Variants in PDLIM5 observed in about 807,000 individuals in gnomAD.
PDLIM5 encodes the protein PDZ and LIM domain protein 5.
A neutral mutation model predicts 64.2 loss-of-function variants in PDLIM5; 34 were observed. The observed-to-expected ratio is 0.53, with a 90% confidence interval of 0.40 to 0.71. The LOEUF (loss-of-function observed/expected upper bound fraction) is 0.71. Ranked by LOEUF, PDLIM5 falls within the 30% of genes least tolerant of loss-of-function variation. The pLI is 0.00. For synonymous variants in PDLIM5, 253 were observed against 269.1 expected (o/e 0.94, Z 0.59); for missense variants, 683 against 733.6 (o/e 0.93, Z 0.80).
At chr4:94,609,790 T>C (rs1738217692) in intron 7 of PDLIM5, among the ~76,000 whole-genome samples, 2 of 152,232 alleles carry the variant, frequency 1.3e-5, no homozygotes, top group African/African-American at 4.8e-5. Context: ...CAATTTTCCT[T>C]CTTTCTATGC....
intron 5 of PDLIM5, among the ~76,000 whole-genome samples, chr4:94,576,440 A>C (rs1415140603): frequency 3.3e-5 from 5 of 152,170 alleles, no homozygotes; most frequent in Non-Finnish European, 5.9e-5. Context: ...TCGTAAGGAG[A>C]GGGGAAATCA....
At chr4:94,552,711 AT>A (rs1732917011) in intron 3 of PDLIM5, among the ~76,000 whole-genome samples, 1 of 152,188 alleles carries the variant, frequency 6.6e-6, no homozygotes, top group Admixed American at 6.5e-5. Flanking sequence ...TAAGAAAAAA[AT>A]ATAAGTAGAA....
intron 2 of PDLIM5, among the ~76,000 whole-genome samples, chr4:94,490,776 G>A (rs1365786191): frequency 5.9e-5 from 9 of 152,116 alleles, no homozygotes; most frequent in Admixed American, 5.9e-4. Context: ...GATTCAAGAA[G>A]TTAAATAATA....
chr4:94,587,361 G>C (rs1050385841), intron 7 of PDLIM5: 2 of 1,158,416 alleles, frequency 1.7e-6, no homozygotes, highest in African/African-American at 3.2e-5. Context: ...GATTAGGGTA[G>C]TAATCTTGGA....
At chr4:94,567,996 G>A (rs1023905575) in intron 3 of PDLIM5, among the ~76,000 whole-genome samples, 3 of 152,068 alleles carry the variant, frequency 2.0e-5, no homozygotes, top group African/African-American at 2.4e-5. Context: ...ACCACAGAAG[G>A]AATAATACGT....
chr4:94,482,330 CA>C (rs1476028019), intron 2 of PDLIM5, among the ~76,000 whole-genome samples: 8 of 152,086 alleles, frequency 5.3e-5, no homozygotes, highest in African/African-American at 1.9e-4. Context: ...CCACTGCACC[CA>C]GCCCAATTTT....
At chr4:94,513,908 GT>G (rs1411947819) in intron 2 of PDLIM5, among the ~76,000 whole-genome samples, 1 of 149,752 alleles carries the variant, frequency 6.7e-6, no homozygotes, top group Non-Finnish European at 1.5e-5. Context: ...TCTATTCCCA[GT>G]TTTTTGAGGG....
chr4:94,564,479 G>C (rs1734119875), intron 3 of PDLIM5, among the ~76,000 whole-genome samples: 1 of 151,948 alleles, frequency 6.6e-6, no homozygotes, highest in South Asian at 2.1e-4. Context: ...TCAGGTTTCT[G>C]TTCAGAGTTC....
chr4:94,647,482 T>A (rs947556769), intron 9 of PDLIM5, among the ~76,000 whole-genome samples: 1 of 151,848 alleles, frequency 6.6e-6, no homozygotes, highest in African/African-American at 2.4e-5. Context: ...CCTAACAGCA[T>A]CAAAATAAGT....
At chr4:94,472,164 G>T (rs191589254) in intron 2 of PDLIM5, among the ~76,000 whole-genome samples, 1 of 150,666 alleles carries the variant, frequency 6.6e-6, no homozygotes, top group Non-Finnish European at 1.5e-5. Flanking sequence ...ACACACACGC[G>T]CACACACACA....
chr4:94,610,754 T>C (rs901684885), intron 7 of PDLIM5, among the ~76,000 whole-genome samples: 8 of 152,160 alleles, frequency 5.3e-5, no homozygotes, highest in Admixed American at 4.6e-4. Context: ...ATTGGTTTTG[T>C]TTTCGTGGTT....
At chr4:94,495,157 G>A (rs1034231037) in intron 2 of PDLIM5, among the ~76,000 whole-genome samples, 11 of 152,016 alleles carry the variant, frequency 7.2e-5, no homozygotes, top group East Asian at 1.9e-4. Flanking sequence ...CAGGTTTCCC[G>A]TCAGTATTAT....
At chr4:94,648,765 G>A (rs916649956) in intron 9 of PDLIM5, among the ~76,000 whole-genome samples, 1 of 152,164 alleles carries the variant, frequency 6.6e-6, no homozygotes, top group African/African-American at 2.4e-5. Flanking sequence ...GTTCCTTGCA[G>A]CTCTGGGACT....
chr4:94,539,604 T>TTATA (rs2110178428), intron 3 of PDLIM5, among the ~76,000 whole-genome samples: 1 of 152,266 alleles, frequency 6.6e-6, no homozygotes, highest in East Asian at 1.9e-4. Flanking sequence ...GTGACAATAT[T>TTATA]TATAATACAG....
chr4:94,484,232 T>C (rs902160175), intron 2 of PDLIM5, among the ~76,000 whole-genome samples: 3 of 152,310 alleles, frequency 2.0e-5, no homozygotes, highest in East Asian at 1.9e-4. Context: ...TGGATTCCCA[T>C]TGAAATAATA....
intron 3 of PDLIM5, among the ~76,000 whole-genome samples, chr4:94,565,435 G>A (rs1413850955): frequency 6.6e-6 from 1 of 152,176 alleles, no homozygotes; most frequent in Non-Finnish European, 1.5e-5. Context: ...GTATCATGGG[G>A]CACACATCAG....
intron 2 of PDLIM5, among the ~76,000 whole-genome samples, chr4:94,519,570 C>T (rs2510786): frequency 0.2 from 30,572 of 152,124 alleles, 3,526 homozygotes; most frequent in East Asian, 0.28. Flanking sequence ...GTTATTTAAT[C>T]ACGTTGAAGC....
At chr4:94,622,911 C>T (rs1218153027) in intron 8 of PDLIM5, among the ~76,000 whole-genome samples, 1 of 152,062 alleles carries the variant, frequency 6.6e-6, no homozygotes. Flanking sequence ...CCTCGTGACC[C>T]ACCCACCCCG....
intron 2 of PDLIM5, chr4:94,456,777 A>G: frequency 3.3e-6 from 4 of 1,213,842 alleles, no homozygotes; most frequent in Non-Finnish European, 4.1e-6. Context: ...CTTTTGTGCA[A>G]CGCATGAAAA....
Sources: gnomAD v4.1 joint callset for allele counts (sites outside exome capture counted in the v4.1 genomes callset) on GRCh38, gnomAD v4.1.1 for gene constraint, MANE v1.5 for transcripts, NCBI Gene and HGNC (gene_info 2026-07-23, HGNC 2026-07-21) for gene names.